NEK10: variants seen among roughly 807,000 people sequenced by gnomAD.
NEK10 encodes the protein NIMA related kinase 10, also known as serine/threonine-protein kinase Nek10.
Under a neutral mutation model 159.8 loss-of-function variants are expected in NEK10, and 122 were observed. The observed-to-expected ratio is 0.76, with a 90% CI of 0.66 to 0.89. NEK10 has a LOEUF of 0.89. Ranked by LOEUF, NEK10 falls within the 40% of genes least tolerant of loss-of-function variation. The pLI is 0.00. For missense variants in NEK10, 1,342 were observed against 1,323.1 expected (o/e 1.01, Z -0.22); for synonymous variants, 466 against 457.1 (o/e 1.02, Z -0.25).
At chr3:27,196,430 C>T (rs1949565216) in intron 25 of NEK10, among the ~76,000 whole-genome samples, 1 of 152,094 alleles carries the variant, frequency 6.6e-6, no homozygotes, top group South Asian at 2.1e-4. Context: ...GCCTGTGGCT[C>T]GTCCTGCTAC....
intron 32 of NEK10, among the ~76,000 whole-genome samples, chr3:27,128,695 C>G (rs1276147223): frequency 6.6e-6 from 1 of 151,480 alleles, no homozygotes; most frequent in Non-Finnish European, 1.5e-5. Flanking sequence ...TTAATGCTTT[C>G]AATTTATTAT....
intron 24 of NEK10, 48 bp from the exon 25 acceptor site, chr3:27,201,628 G>A (rs17680194): frequency 0.24 from 330,561 of 1,371,454 alleles, 42,051 homozygotes; most frequent in Middle Eastern, 0.38. Context: ...GGCCACGGAT[G>A]TCTTTGAATA....
intron 1 of NEK10, among the ~76,000 whole-genome samples, chr3:27,365,604 T>TG (rs1319054049): frequency 4.5e-5 from 4 of 88,542 alleles, no homozygotes; most frequent in Admixed American, 1.7e-4. Flanking sequence ...TGTGTTTTTT[T>TG]TTTGTGTTTT....
chr3:27,345,211 C>T (rs2047469935), intron 4 of NEK10, among the ~76,000 whole-genome samples: 1 of 152,178 alleles, frequency 6.6e-6, no homozygotes, highest in Non-Finnish European at 1.5e-5. Context: ...AATGTTCTGC[C>T]TTCTCAGTCT....
At chr3:27,351,806 T>A (rs1434463134) in intron 3 of NEK10, among the ~76,000 whole-genome samples, 5 of 152,006 alleles carry the variant, frequency 3.3e-5, no homozygotes, top group African/African-American at 1.2e-4. Context: ...TAAATAAGTG[T>A]CTGCTATTTT....
rs1940363462 is a variant in NEK10, at chr3:27,116,012, C to T, written c.3244-17G>A. 1.2e-6 allele frequency: 2 copies of T among 1,612,618 alleles called. No individual in the cohort carries two copies. Among genetic ancestry groups the T allele is most frequent in the African/African-American group, 1.3e-5 (1 of 74,868 alleles). On this transcript the variant is annotated splice_polypyrimidine_tract_variant and intron_variant, in intron 34 of 35. Coordinates refer to ENST00000691995, the MANE Select transcript of NEK10 (RefSeq NM_001394966.1). ...AATCACAGTCTAAAATTTTAAAAATCAGGTTAGTATTGAATTAGAAGTAAC... is the reference window on the plus strand; with the variant it reads ...AATCACAGTCTAAAATTTTAAAAATTAGGTTAGTATTGAATTAGAAGTAAC...
At chr3:27,223,109 AAAT>A (rs1952282922) in intron 23 of NEK10, among the ~76,000 whole-genome samples, 2 of 152,188 alleles carry the variant, frequency 1.3e-5, no homozygotes, top group African/African-American at 4.8e-5. Flanking sequence ...TCTTCATATT[AAAT>A]AATGTGCAGA....
At chr3:27,249,015 T>C (rs527572949) in intron 23 of NEK10, among the ~76,000 whole-genome samples, 7 of 152,312 alleles carry the variant, frequency 4.6e-5, no homozygotes, top group African/African-American at 1.7e-4. Context: ...TCATCTTGAA[T>C]TGTAATCCCT....
intron 8 of NEK10, chr3:27,311,512 A>G (rs1225394788): frequency 6.3e-6 from 1 of 158,514 alleles, no homozygotes. Context: ...ACAAGCAGAT[A>G]TGAAGAGCCA....
chr3:27,118,660 T>C (rs1940849301), intron 33 of NEK10, among the ~76,000 whole-genome samples: 1 of 152,202 alleles, frequency 6.6e-6, no homozygotes, highest in African/African-American at 2.4e-5. Context: ...GAGAGATTTT[T>C]ATCAAAGTTC....
At chr3:27,279,584 T>C (rs2042003448) in intron 22 of NEK10, among the ~76,000 whole-genome samples, 1 of 152,210 alleles carries the variant, frequency 6.6e-6, no homozygotes, top group Non-Finnish European at 1.5e-5. Flanking sequence ...TGAAAAATAT[T>C]TCAGCACTAT....
At chr3:27,252,983 A>G in intron 23 of NEK10, 1 of 449,698 alleles carries the variant, frequency 2.2e-6, no homozygotes, top group Middle Eastern at 3.4e-4. Context: ...AGCTTTCTTA[A>G]GAATTCTATC....
At chr3:27,125,032 C>G (rs749856444) in intron 32 of NEK10, among the ~76,000 whole-genome samples, 2 of 152,046 alleles carry the variant, frequency 1.3e-5, no homozygotes, top group African/African-American at 2.4e-5. Flanking sequence ...TAGGGCCCTC[C>G]TGCTCTGAAT....
chr3:27,353,985 C>G (rs1328556818), intron 1 of NEK10, among the ~76,000 whole-genome samples: 1 of 152,012 alleles, frequency 6.6e-6, no homozygotes, highest in African/African-American at 2.4e-5. Flanking sequence ...AAGCCAAAGA[C>G]CCAAGTGCTT....
intron 30 of NEK10, among the ~76,000 whole-genome samples, chr3:27,153,818 G>T (rs757634879): frequency 2.6e-5 from 4 of 152,108 alleles, no homozygotes; most frequent in Admixed American, 6.5e-5. Context: ...TTGCTAAGAG[G>T]AATGTTCATA....
chr3:27,323,364 T>G (rs1436915564), intron 5 of NEK10, among the ~76,000 whole-genome samples: 4 of 152,144 alleles, frequency 2.6e-5, no homozygotes, highest in Non-Finnish European at 5.9e-5. Context: ...TGGCTCTCTG[T>G]GCCTGCAGGC....
chr3:27,141,108 T>A (rs779662844), intron 31 of NEK10, among the ~76,000 whole-genome samples: 2 of 152,190 alleles, frequency 1.3e-5, no homozygotes, highest in African/African-American at 2.4e-5. Context: ...ATTTTCAACC[T>A]AGCATTCTCA....
intron 30 of NEK10, among the ~76,000 whole-genome samples, chr3:27,148,957 C>T (rs1304535922): frequency 6.6e-6 from 1 of 152,068 alleles, no homozygotes; most frequent in Non-Finnish European, 1.5e-5. Context: ...ATCTACATCT[C>T]CAAGAAGCAT....
At chr3:27,326,519 A>G (rs7615321) in intron 5 of NEK10, among the ~76,000 whole-genome samples, 24,472 of 152,240 alleles carry the variant, frequency 0.16, 2,165 homozygotes, top group Non-Finnish European at 0.21. Context: ...GTGATTTTTC[A>G]TATTAATATA....
Sources: gnomAD v4.1 joint callset for allele counts (sites outside exome capture counted in the v4.1 genomes callset) on GRCh38, gnomAD v4.1.1 for gene constraint, MANE v1.5 for transcripts, NCBI Gene and HGNC (gene_info 2026-07-23, HGNC 2026-07-21) for gene names.